The following SPATA21 variants were observed in gnomAD, a reference collection of about 807,000 sequenced individuals.
SPATA21 encodes the protein spermatogenesis-associated protein 21.
SPATA21 carries 47 observed loss-of-function variants against 54.8 expected under a neutral mutation model. That is an observed-to-expected ratio of 0.86 (90% confidence interval 0.68 to 1.09). SPATA21 has a LOEUF of 1.09. Ranked by LOEUF, SPATA21 falls within the 50% of genes least tolerant of loss-of-function variation. The probability of loss-of-function intolerance (pLI) is 0.00; values close to 1 mark genes in which losing one functional copy is unlikely to be tolerated. For missense variants in SPATA21, 599 were observed against 596.4 expected (o/e 1.00, Z -0.05); for synonymous variants, 245 against 235.3 (o/e 1.04, Z -0.38).
At chr1:16,430,569 G>T (rs2086434298) in intron 3 of SPATA21, among the ~76,000 whole-genome samples, 1 of 152,198 alleles carries the variant, frequency 6.6e-6, no homozygotes, top group African/African-American at 2.4e-5. Context: ...GGAGAATAAA[G>T]CTGGGCTGGA....
intron 7 of SPATA21, among the ~76,000 whole-genome samples, chr1:16,407,915 G>A (rs780813889): frequency 5.9e-5 from 9 of 152,150 alleles, no homozygotes; most frequent in East Asian, 1.9e-4. Flanking sequence ...ACAGGCTTAT[G>A]CTACCATGTC....
chr1:16,415,909 C>A (rs1179679642), intron 5 of SPATA21, among the ~76,000 whole-genome samples: 2 of 152,178 alleles, frequency 1.3e-5, no homozygotes, highest in Admixed American at 1.3e-4. Context: ...TCCCAGCAGG[C>A]GCTCAGCCTG....
At chr1:16,429,111 C>T (rs897882295) in intron 3 of SPATA21, among the ~76,000 whole-genome samples, 2 of 152,068 alleles carry the variant, frequency 1.3e-5, no homozygotes, top group South Asian at 2.1e-4. Context: ...ATAACAGAGG[C>T]TACAGGGAAC....
intron 5 of SPATA21, among the ~76,000 whole-genome samples, chr1:16,417,876 G>A (rs561825075): frequency 6.6e-6 from 1 of 152,252 alleles, no homozygotes; most frequent in Admixed American, 6.5e-5. Context: ...ACCTGGCCCT[G>A]GGCGCCCTTT....
intron 5 of SPATA21, among the ~76,000 whole-genome samples, chr1:16,412,939 A>T (rs1473333019): frequency 6.6e-6 from 1 of 152,110 alleles, no homozygotes; most frequent in African/African-American, 2.4e-5. Context: ...GTGCACTACC[A>T]TACCCGGCTA....
chr1:16,398,530 G>A (rs943521232), downstream of SPATA21: 4 of 546,292 alleles, frequency 7.3e-6, no homozygotes, highest in Non-Finnish European at 1.3e-5. Flanking sequence ...AGGGGCACCT[G>A]TAGCAGAAAT....
intron 5 of SPATA21, among the ~76,000 whole-genome samples, chr1:16,420,830 C>T (rs985629845): frequency 6.7e-6 from 1 of 150,320 alleles, no homozygotes; most frequent in Non-Finnish European, 1.5e-5. Context: ...TGACCTGGAG[C>T]GGAGGGAGGG....
rs771316298 is a variant in SPATA21, at chr1:16,403,216, C to G, written c.1001+511G>C. On this transcript the variant is annotated intron_variant, in intron 10 of 12. Coordinates refer to ENST00000335496, the MANE Select transcript of SPATA21 (RefSeq NM_198546.1). Reference sequence around the variant, plus strand: ...AGATAGGGTCCATCGAATTCCTTTCCTGGGACTGCTCAGTGCATGCTGCAG... The same window carrying G: ...AGATAGGGTCCATCGAATTCCTTTCGTGGGACTGCTCAGTGCATGCTGCAG... 2.2e-4 allele frequency among the ~76,000 whole-genome samples: 33 copies of G among 152,270 alleles called. 1 individual carries two copies. The highest frequency in any genetic ancestry group is 1.9e-3 in the South Asian group (9 of 4,824).
At position 16,400,822 on chromosome 1, in the gene SPATA21, G is replaced by A. The variant is rs909696830; in HGVS notation, c.1072C>T (p.Arg358Trp). ...QEMEAAVGRL[R>W]LQKLPYNPQQ... is the part of the protein sequence containing the mutation. ...GGGTTGTAGGGAAGCTTCTGCAACCGCAGCCGGCCTACGGCCGCTTCCATC... is the reference window on the plus strand; with the variant it reads ...GGGTTGTAGGGAAGCTTCTGCAACCACAGCCGGCCTACGGCCGCTTCCATC... The change falls in exon 11 of 13, where the codon CGG becomes TGG. Residue 358 changes from arginine to tryptophan, a missense_variant. Arg to Trp is a moderately radical substitution (Grantham distance 101). Transcript: ENST00000335496. 2.5e-6 allele frequency: 4 copies of A among 1,613,636 alleles called. No individual in the cohort carries two copies. The highest frequency in any genetic ancestry group is 3.4e-6 in the Non-Finnish European group (4 of 1,179,848).
intron 3 of SPATA21, chr1:16,425,588 T>G: frequency 6.5e-7 from 1 of 1,550,170 alleles, no homozygotes; most frequent in Non-Finnish European, 8.7e-7. Flanking sequence ...CTGCTGGCCC[T>G]TGATCTCCTT....
Position 16,421,925 on chromosome 1 carries a change from T to C in SPATA21, c.81A>G (p.Lys27=), listed in dbSNP as rs2086183943. 2 of 1,614,182 alleles carry C rather than the reference T, an allele frequency of 1.2e-6. No homozygotes were observed. The highest frequency in any genetic ancestry group is 2.2e-5 in the East Asian group (1 of 44,886). ...NPFLPSTPGP[K]KAKGGGEAVE... is the part of the protein sequence containing the mutation. ...TGATGACTTACCCTCCTTTTGCTTTTTTAGGTCCAGGCGTGGATGGCAGGA... is the reference window on the plus strand; with the variant it reads ...TGATGACTTACCCTCCTTTTGCTTTCTTAGGTCCAGGCGTGGATGGCAGGA... The change falls in exon 4 of 13, where the codon AAA becomes AAG. Residue 27 remains lysine, a synonymous_variant. Coordinates refer to ENST00000335496, the MANE Select transcript of SPATA21 (RefSeq NM_198546.1). The surrounding 1 kb of genome is among the most constrained non-coding windows in gnomAD (Gnocchi z 5.2).
At chr1:16,402,292 G>A (rs374434549) in intron 10 of SPATA21, among the ~76,000 whole-genome samples, 14 of 96,480 alleles carry the variant, frequency 1.5e-4, no homozygotes, top group South Asian at 7.4e-4. Flanking sequence ...ATGGAGTTTC[G>A]CTCTTGTTGC....
rs2085740918 is a variant in SPATA21 at position 16,409,035 on chromosome 1, C to A, written c.673+83G>T. On this transcript the variant is annotated intron_variant, in intron 7 of 12. Transcript: ENST00000335496. This position sits in a 1 kb window ranked among gnomAD's most constrained non-coding sequence, Gnocchi z 4.1. ...CGGCAGCCATGTGATCTGGAAAGCA[C>A]CCCAGTCCGCCCTGCGCCTATAAAC... The A allele has an allele frequency of 9.6e-6, 14 of 1,460,722 alleles. No homozygotes were observed. The highest frequency in any genetic ancestry group is 5.2e-5 in the Admixed American group (3 of 57,570). 90.5% of individuals were successfully genotyped at this position (1,460,722 alleles called of 1,614,324 possible). A position where few individuals can be genotyped will look rare whatever the true frequency, so the allele number is the denominator to read the frequency against.
chr1:16,410,070 G>A lies in SPATA21; in HGVS notation c.145-27C>T, dbSNP rs754806756. ...TGGGGACAGGGGAGGGGATCCAGGA[G>A]GCCTCTAGTGGGCCAGAGTGTCCCA... On this transcript the variant is annotated intron_variant, in intron 5 of 12. Coordinates refer to ENST00000335496, the MANE Select transcript of SPATA21 (RefSeq NM_198546.1). The A allele has an allele frequency of 5.3e-6, 8 of 1,511,486 alleles. No homozygotes were observed. In the African/African-American group the frequency reaches 8.4e-5, roughly 16 times the overall value. 93.6% of individuals were successfully genotyped at this position (1,511,486 alleles called of 1,614,324 possible). A position where few individuals can be genotyped will look rare whatever the true frequency, so the allele number is the denominator to read the frequency against.
intron 3 of SPATA21, among the ~76,000 whole-genome samples, chr1:16,426,579 A>AT (rs869271995): frequency 7.1e-4 from 76 of 107,152 alleles, no homozygotes; most frequent in African/African-American, 8.8e-4. Flanking sequence ...ATATATATAT[A>AT]TTTTTTTTTT....
At position 16,422,072 on chromosome 1, in the gene SPATA21, G is replaced by A; in HGVS notation, c.35-101C>T. 3 of 1,599,618 alleles carry A rather than the reference G, an allele frequency of 1.9e-6. No individual in the cohort carries two copies. The Admixed American group carries it at 5.1e-5, about 27-fold the overall frequency. ...GAGCCTCCTGTGGCCTGATGTGTGG[G>A]ACACCTGCCTCCTTGGGGTGCTTGC... On this transcript the variant is annotated intron_variant, in intron 3 of 12. Coordinates refer to ENST00000335496, the MANE Select transcript of SPATA21 (RefSeq NM_198546.1).
downstream of SPATA21, chr1:16,398,573 C>G: frequency 1.6e-6 from 1 of 635,712 alleles, no homozygotes; most frequent in South Asian, 1.8e-5. Flanking sequence ...AGGTGGAACC[C>G]TGCACTCTGA....
In SPATA21 at chr1:16,398,724, A is replaced by G. The variant is rs191483054; in HGVS notation, c.*41T>C. 1 of 1,611,870 alleles carries G rather than the reference A, an allele frequency of 6.2e-7. No individual in the cohort carries two copies. The highest frequency in any genetic ancestry group is 8.5e-7 in the Non-Finnish European group (1 of 1,178,062). ...CTCCTGCCTGGTGGCCCATCTGTCT[A>G]CAGGCCTTGAGCAGCTGCCTAGAGT... is the stretch of plus-strand genomic sequence containing the variant. On this transcript the variant is annotated 3_prime_UTR_variant, in exon 13 of 13. Transcript: ENST00000335496.
chr1:16,397,568 C>T (rs2085332979), downstream of SPATA21: 1 of 152,284 alleles, frequency 6.6e-6, no homozygotes. The surrounding 1 kb of genome is among the most constrained non-coding windows in gnomAD (Gnocchi z 5.4). Context: ...TATCTGCCTT[C>T]ACGGTACTGT....
Sources: gnomAD v4.1 joint callset for allele counts (sites outside exome capture counted in the v4.1 genomes callset) on GRCh38, gnomAD v4.1.1 for gene constraint, Gnocchi (gnomAD v3.1) non-coding constraint, MANE v1.5 for transcripts, NCBI Gene and HGNC (gene_info 2026-07-23, HGNC 2026-07-21) for gene names.